DOCK9: variants seen among roughly 807,000 people sequenced by gnomAD.
DOCK9 encodes dedicator of cytokinesis 9, also known as dedicator of cytokinesis protein 9.
DOCK9 carries 89 observed loss-of-function variants against 263.3 expected under a neutral mutation model. That is an observed-to-expected ratio of 0.34 (90% confidence interval 0.28 to 0.40). DOCK9 has a LOEUF of 0.40. DOCK9 is among the 10% of genes least tolerant of loss of function. DOCK9 has a pLI of 1.00. For synonymous variants in DOCK9, 976 were observed against 973.1 expected, an observed-to-expected ratio of 1.00 and a Z score of -0.06; for missense variants, 2,140 against 2,603.4, an observed-to-expected ratio of 0.82 and a Z score of 3.87.
chr13:99,082,737 C>T (rs369211761), intron 1 of DOCK9, among the ~76,000 whole-genome samples: 51 of 152,218 alleles, frequency 3.4e-4, no homozygotes, highest in African/African-American at 1.2e-3. Context: ...CTAAGAGCTT[C>T]ACCCACATAG....
chr13:98,848,150 AAAG>A (rs917822921), intron 37 of DOCK9, among the ~76,000 whole-genome samples: 2 of 152,198 alleles, frequency 1.3e-5, no homozygotes, highest in East Asian at 1.9e-4. Context: ...TTTCATTAAG[AAAG>A]AAGAAGAGTG....
intron 33 of DOCK9, chr13:98,858,371 A>T (rs189081654): frequency 1.7e-3 from 260 of 152,146 alleles, no homozygotes; most frequent in African/African-American, 5.9e-3. Flanking sequence ...CACTTTTAAA[A>T]CTCTCAGGCA....
chr13:98,912,810 T>G (rs1282874709), intron 9 of DOCK9, among the ~76,000 whole-genome samples: 1 of 152,160 alleles, frequency 6.6e-6, no homozygotes, highest in African/African-American at 2.4e-5. Context: ...ACCCAGTAAG[T>G]GCAGAAGGTT....
At chr13:98,861,224 A>G (rs558978094) in intron 32 of DOCK9, among the ~76,000 whole-genome samples, 36 of 152,310 alleles carry the variant, frequency 2.4e-4, no homozygotes, top group African/African-American at 8.2e-4. Context: ...GCAGCCACAC[A>G]TGCACAAACG....
chr13:98,849,562 G>C (rs564508836), intron 36 of DOCK9, among the ~76,000 whole-genome samples: 10 of 152,052 alleles, frequency 6.6e-5, no homozygotes, highest in Admixed American at 1.3e-4. Context: ...TTTTGGATAA[G>C]GGATTGTAAA....
At chr13:99,008,378 T>C (rs11843249) in intron 1 of DOCK9, among the ~76,000 whole-genome samples, 16,524 of 151,438 alleles carry the variant, frequency 0.11, 1,228 homozygotes, top group East Asian at 0.24. Context: ...GGATTATAGG[T>C]GCCTGCCACC....
At chr13:99,074,786 C>T (rs1013393247) in intron 1 of DOCK9, among the ~76,000 whole-genome samples, 2 of 152,184 alleles carry the variant, frequency 1.3e-5, no homozygotes, top group East Asian at 3.8e-4. Context: ...TCCTGAGTTG[C>T]AGCAAGCTTG....
intron 1 of DOCK9, among the ~76,000 whole-genome samples, chr13:99,073,324 TTCTC>T (rs1440773285): frequency 6.6e-6 from 1 of 150,634 alleles, no homozygotes; most frequent in African/African-American, 2.5e-5. Context: ...TCTCTCTCTC[TTCTC>T]TCTCTTCTTT....
intron 2 of DOCK9, among the ~76,000 whole-genome samples, chr13:98,931,401 C>A (rs1403543996): frequency 1.3e-5 from 2 of 151,592 alleles, no homozygotes; most frequent in African/African-American, 4.9e-5. Flanking sequence ...CGGGTTCACG[C>A]CATTCTTCTG....
chr13:98,874,558 TACTC>T (rs1408903638), intron 27 of DOCK9, among the ~76,000 whole-genome samples: 2 of 152,240 alleles, frequency 1.3e-5, no homozygotes, highest in Non-Finnish European at 2.9e-5. Flanking sequence ...TAATCTCCCT[TACTC>T]ATTCATAATG....
intron 27 of DOCK9, among the ~76,000 whole-genome samples, chr13:98,878,320 A>G (rs993643625): frequency 6.6e-6 from 1 of 152,232 alleles, no homozygotes; most frequent in Non-Finnish European, 1.5e-5. Context: ...ATATAACATG[A>G]AAAAATGTAT....
chr13:98,960,776 C>T (rs2058545462), intron 1 of DOCK9, among the ~76,000 whole-genome samples: 1 of 152,182 alleles, frequency 6.6e-6, no homozygotes, highest in Non-Finnish European at 1.5e-5. Context: ...ACTACCTATA[C>T]TTGAACATGC....
At chr13:98,817,833 G>A (rs1330477735) in intron 45 of DOCK9, among the ~76,000 whole-genome samples, 5 of 150,492 alleles carry the variant, frequency 3.3e-5, no homozygotes, top group Non-Finnish European at 7.4e-5. Flanking sequence ...AAAATGGCTG[G>A]GAAATAGGAA....
intron 29 of DOCK9, 150 bp downstream of exon 29, chr13:98,867,778 G>T: frequency 1.3e-6 from 1 of 750,912 alleles, no homozygotes; most frequent in Non-Finnish European, 2.1e-6. Flanking sequence ...TTCAATGAAG[G>T]ACTTCAGGTA....
intron 27 of DOCK9, among the ~76,000 whole-genome samples, chr13:98,879,264 C>CAGGGGA (rs1159389383): frequency 2.0e-5 from 3 of 152,070 alleles, no homozygotes; most frequent in African/African-American, 7.2e-5. Context: ...CAGTGGGAAC[C>CAGGGGA]AGGGGAAGCA....
Position 98,863,502 on chromosome 13 carries a change from G to A in DOCK9, c.3333C>T (p.His1111=), listed in dbSNP as rs2093934247. 2 of 1,613,962 alleles carry A rather than the reference G, an allele frequency of 1.2e-6. No homozygotes were observed. The highest frequency in any genetic ancestry group is 8.5e-7 in the Non-Finnish European group (1 of 1,179,882). ...YSLTDEFCRN[H]FLVGLLLREV... is the part of the protein sequence containing the mutation. ...CCCTCAGTAACAGTCCCACCAAGAA[G>A]TGGTTTCTGCAGAACTCATCTGTTA... Residue 1111 remains histidine (H), a synonymous_variant, in exon 31 of 53, where the codon CAC becomes CAT. Transcript: ENST00000682017.
chr13:99,045,083 T>A (rs999370212), intron 1 of DOCK9, among the ~76,000 whole-genome samples: 1 of 152,186 alleles, frequency 6.6e-6, no homozygotes, highest in African/African-American at 2.4e-5. Flanking sequence ...GAAGCCACTG[T>A]GGAAAACAGT....
chr13:99,042,523 G>C (rs763476114), intron 1 of DOCK9, among the ~76,000 whole-genome samples: 2 of 152,238 alleles, frequency 1.3e-5, no homozygotes, highest in Non-Finnish European at 2.9e-5. Flanking sequence ...GACAGAGCAG[G>C]TTTAGGGGCA....
chr13:99,070,254 A>G (rs1021533297), intron 1 of DOCK9, among the ~76,000 whole-genome samples: 1 of 152,242 alleles, frequency 6.6e-6, no homozygotes, highest in Non-Finnish European at 1.5e-5. Flanking sequence ...AACATCTTAC[A>G]TGTAGTACAA....
Sources: gnomAD v4.1 joint callset for allele counts (sites outside exome capture counted in the v4.1 genomes callset) on GRCh38, gnomAD v4.1.1 for gene constraint, MANE v1.5 for transcripts, NCBI Gene and HGNC (gene_info 2026-07-23, HGNC 2026-07-21) for gene names.